CBLB: variants seen among roughly 807,000 people sequenced by gnomAD.
CBLB encodes Cbl proto-oncogene B.
A neutral mutation model predicts 104.9 loss-of-function variants in CBLB; 31 were observed. The observed-to-expected ratio is 0.30, with a 90% CI of 0.22 to 0.40. The LOEUF (loss-of-function observed/expected upper bound fraction) is 0.40. Among genes scored for constraint, CBLB ranks in the 10% least tolerant of loss-of-function variants. The probability of loss-of-function intolerance (pLI) is 1.00; values close to 1 mark genes in which losing one functional copy is unlikely to be tolerated. For synonymous variants in CBLB, 440 were observed against 422.6 expected, an observed-to-expected ratio of 1.04 and a Z score of -0.51; for missense variants, 1,062 against 1,214.6, an observed-to-expected ratio of 0.87 and a Z score of 1.87.
intron 4 of CBLB, among the ~76,000 whole-genome samples, chr3:105,761,854 G>A (rs1243984700): frequency 6.6e-6 from 1 of 152,162 alleles, no homozygotes; most frequent in Non-Finnish European, 1.5e-5. Context: ...GGGAAAGTTT[G>A]GAACTTCCTA....
At chr3:105,767,993 C>CTAA (rs35351183) in intron 4 of CBLB, among the ~76,000 whole-genome samples, 10,432 of 152,236 alleles carry the variant, frequency 0.069, 514 homozygotes, top group Admixed American at 0.15. Context: ...CATACACATG[C>CTAA]TAATGCACAT....
intron 3 of CBLB, among the ~76,000 whole-genome samples, chr3:105,777,489 G>T (rs142176181): frequency 1.3e-5 from 2 of 152,144 alleles, no homozygotes; most frequent in African/African-American, 4.8e-5. Context: ...TAAGCAGGGC[G>T]TGGGAGCGCA....
In CBLB at chr3:105,667,239, T is replaced by C. The variant is rs73854356; in HGVS notation, c.2689+2994A>G. ...TTTTCAAGTGTTACCTTGAACTTCCTTCTAAATACTAACAATATGAAAAAT... is the reference window on the plus strand; with the variant it reads ...TTTTCAAGTGTTACCTTGAACTTCCCTCTAAATACTAACAATATGAAAAAT... On this transcript the variant is annotated intron_variant, in intron 18 of 18. Coordinates refer to ENST00000394030, the MANE Select transcript of CBLB (RefSeq NM_170662.5). Among the ~76,000 whole-genome samples the C allele has an allele frequency of 4.0e-3, 612 of 152,276 alleles. 4 individuals carry two copies. The highest frequency in any genetic ancestry group is 0.014 in the African/African-American group (579 of 41,558).
intron 3 of CBLB, among the ~76,000 whole-genome samples, chr3:105,784,025 A>G (rs1247124992): frequency 6.6e-6 from 1 of 152,222 alleles, no homozygotes; most frequent in Non-Finnish European, 1.5e-5. Flanking sequence ...TGATGATTTC[A>G]ACAAATGGTT....
intron 9 of CBLB, among the ~76,000 whole-genome samples, chr3:105,733,450 T>C (rs1033808928): frequency 1.3e-5 from 2 of 152,130 alleles, no homozygotes; most frequent in African/African-American, 4.8e-5. Flanking sequence ...ATTGAATGCC[T>C]GCGGCAGATG....
intron 2 of CBLB, among the ~76,000 whole-genome samples, chr3:105,854,696 G>A (rs748223976): frequency 4.6e-5 from 7 of 151,562 alleles, no homozygotes; most frequent in East Asian, 1.9e-4. Context: ...GTAGTGACAC[G>A]ATCTCAGCTC....
intron 13 of CBLB, among the ~76,000 whole-genome samples, chr3:105,690,903 C>G (rs1211535821): frequency 6.6e-6 from 1 of 151,338 alleles, no homozygotes; most frequent in Admixed American, 6.6e-5. Flanking sequence ...CTGTTCACAT[C>G]AGCATTCCAT....
chr3:105,674,365 G>T (rs923048157), intron 17 of CBLB, among the ~76,000 whole-genome samples: 22 of 152,290 alleles, frequency 1.4e-4, no homozygotes, highest in African/African-American at 5.1e-4. Flanking sequence ...TTTTACTTAT[G>T]CAGTTGCATT....
chr3:105,710,215 G>A (rs937713795), intron 10 of CBLB, among the ~76,000 whole-genome samples: 3 of 151,608 alleles, frequency 2.0e-5, no homozygotes, highest in Non-Finnish European at 3.0e-5. Flanking sequence ...GTGCTCTTCT[G>A]GTTTTCATGT....
At chr3:105,767,388 G>A (rs933080266) in intron 4 of CBLB, among the ~76,000 whole-genome samples, 17 of 152,078 alleles carry the variant, frequency 1.1e-4, no homozygotes, top group African/African-American at 4.1e-4. Flanking sequence ...AGGAAAATAC[G>A]GGAAACCAAA....
intron 6 of CBLB, among the ~76,000 whole-genome samples, chr3:105,740,981 A>G (rs1292061510): frequency 6.6e-6 from 1 of 152,308 alleles, no homozygotes; most frequent in East Asian, 1.9e-4. Flanking sequence ...GAATGTAAAA[A>G]TAAAATAAAT....
At chr3:105,668,542 A>G (rs6437610) in intron 18 of CBLB, among the ~76,000 whole-genome samples, 152,318 of 152,322 alleles carry the variant, frequency 1, 76,157 homozygotes, top group Non-Finnish European at 1. Context: ...GCTTCCTTAT[A>G]TTATATAGAA....
chr3:105,695,034 C>T (rs2068165502), intron 12 of CBLB, among the ~76,000 whole-genome samples: 1 of 151,800 alleles, frequency 6.6e-6, no homozygotes, highest in Admixed American at 6.6e-5. Context: ...TGATATTGAG[C>T]ATTGGAAGTC....
At chr3:105,854,915 G>A (rs975894961) in intron 2 of CBLB, among the ~76,000 whole-genome samples, 10 of 152,222 alleles carry the variant, frequency 6.6e-5, no homozygotes, top group East Asian at 1.9e-4. Flanking sequence ...ACAGGTGTGC[G>A]CCACCGTACC....
intron 2 of CBLB, among the ~76,000 whole-genome samples, chr3:105,858,366 T>C (rs936925770): frequency 6.6e-6 from 1 of 152,132 alleles, no homozygotes. Context: ...TGCAAGGAGC[T>C]GCAAAAGCCA....
intron 2 of CBLB, among the ~76,000 whole-genome samples, chr3:105,857,422 C>G (rs557783395): frequency 6.6e-6 from 1 of 152,158 alleles, no homozygotes; most frequent in African/African-American, 2.4e-5. Context: ...GCAGAAGAGA[C>G]GTAGTTCTCT....
chr3:105,656,233 A>G lies in CBLB; in HGVS notation c.*2737T>C, dbSNP rs1005826738. On this transcript the variant is annotated 3_prime_UTR_variant, in exon 19 of 19. Transcript: ENST00000394030. ...GGTGAGAAGGGTTGATATTGGCCAC[A>G]TATCAGTAAGTTAATTTGTCTTAAT... is the stretch of plus-strand genomic sequence containing the variant. 1.9e-5 allele frequency: 4 copies of G among 214,584 alleles called. No individual in the cohort carries two copies. The highest frequency in any genetic ancestry group is 2.8e-5 in the Non-Finnish European group (3 of 106,232). 13.3% of individuals were successfully genotyped at this position (214,584 alleles called of 1,614,324 possible). A position where few individuals can be genotyped will look rare whatever the true frequency, so the allele number is the denominator to read the frequency against.
chr3:105,748,824 C>G (rs60619938), intron 5 of CBLB, among the ~76,000 whole-genome samples: 6 of 152,146 alleles, frequency 3.9e-5, no homozygotes, highest in Middle Eastern at 3.4e-3. Context: ...CTCCTGCCCC[C>G]CCACTGGCTC....
intron 3 of CBLB, among the ~76,000 whole-genome samples, chr3:105,786,773 A>C (rs1339719806): frequency 4.6e-5 from 7 of 152,194 alleles, no homozygotes; most frequent in Non-Finnish European, 8.8e-5. Context: ...TAAAAAATGC[A>C]ACTAAAACTA....
Sources: gnomAD v4.1 joint callset for allele counts (sites outside exome capture counted in the v4.1 genomes callset) on GRCh38, gnomAD v4.1.1 for gene constraint, MANE v1.5 for transcripts, NCBI Gene and HGNC (gene_info 2026-07-23, HGNC 2026-07-21) for gene names.